EPS8: variants seen among roughly 807,000 people sequenced by gnomAD.
EPS8 encodes EGFR pathway substrate 8, signaling adaptor.
In EPS8, 42 loss-of-function variants were observed where a neutral mutation model predicts 103.8. The observed-to-expected ratio is 0.40, with a 90% confidence interval of 0.32 to 0.52. EPS8 has a LOEUF of 0.52. Among genes scored for constraint, EPS8 ranks in the 20% least tolerant of loss-of-function variants. The probability of loss-of-function intolerance (pLI) is 0.40; values close to 1 mark genes in which losing one functional copy is unlikely to be tolerated. For missense variants in EPS8, 969 were observed against 1,005.1 expected (o/e 0.96, Z 0.49); for synonymous variants, 344 against 344.6 (o/e 1.00, Z 0.02).
chr12:15,663,019 AAG>A (rs1945634157), intron 8 of EPS8, among the ~76,000 whole-genome samples: 2 of 151,966 alleles, frequency 1.3e-5, no homozygotes, highest in African/African-American at 4.8e-5. Flanking sequence ...AAAAAAAAGA[AAG>A]AAGAAATCAT....
At chr12:15,628,832 T>A (rs1944993907) in intron 18 of EPS8, among the ~76,000 whole-genome samples, 2 of 152,168 alleles carry the variant, frequency 1.3e-5, no homozygotes, top group African/African-American at 4.8e-5. Flanking sequence ...GGTAGATGAG[T>A]AGGCATATTT....
intron 1 of EPS8, among the ~76,000 whole-genome samples, chr12:15,726,809 T>C (rs1048033875): frequency 6.6e-6 from 1 of 152,212 alleles, no homozygotes; most frequent in Non-Finnish European, 1.5e-5. Flanking sequence ...GTGTGTACTA[T>C]ATTAGGGATA....
intron 1 of EPS8, among the ~76,000 whole-genome samples, chr12:15,707,904 C>T (rs1218541522): frequency 6.6e-6 from 1 of 152,178 alleles, no homozygotes; most frequent in Non-Finnish European, 1.5e-5. Context: ...GTTCACCTCC[C>T]TATCTCTAAT....
chr12:15,720,152 T>A (rs1481174543), intron 1 of EPS8, among the ~76,000 whole-genome samples: 1 of 152,204 alleles, frequency 6.6e-6, no homozygotes, highest in Non-Finnish European at 1.5e-5. Context: ...AATAGTATCT[T>A]CTTCACATAT....
rs972988217 is a variant in EPS8, at chr12:15,781,446, T to G, written c.-22+7715A>C. Among the ~76,000 whole-genome samples, 1 of 152,202 alleles carries G rather than the reference T, an allele frequency of 6.6e-6. No individual in the cohort carries two copies. The highest frequency in any genetic ancestry group is 1.5e-5 in the Non-Finnish European group (1 of 68,046). Reference sequence around the variant, plus strand: ...AATTCGGTCCCTTTCTCCCCATGTGTGACACAAGTCACTTTTTCTTTCTGG... The same window carrying G: ...AATTCGGTCCCTTTCTCCCCATGTGGGACACAAGTCACTTTTTCTTTCTGG... On this transcript the variant is annotated intron_variant, in intron 1 of 20. Coordinates refer to ENST00000281172, the MANE Select transcript of EPS8 (RefSeq NM_004447.6). The surrounding 1 kb of genome is among the most constrained non-coding windows in gnomAD (Gnocchi z 4.1).
chr12:15,663,936 A>ATAATAAT (rs1478081573), intron 8 of EPS8, among the ~76,000 whole-genome samples: 1 of 35,768 alleles, frequency 2.8e-5, no homozygotes, highest in African/African-American at 1.1e-4. Context: ...AAAAAAAAAA[A>ATAATAAT]AAAAAAAAAA....
chr12:15,729,230 T>C (rs1946687011), intron 1 of EPS8, among the ~76,000 whole-genome samples: 1 of 152,204 alleles, frequency 6.6e-6, no homozygotes, highest in African/African-American at 2.4e-5. Flanking sequence ...TGTAGATTTT[T>C]TGGTGTTTGT....
chr12:15,638,298 T>A (rs1032086221), intron 17 of EPS8, among the ~76,000 whole-genome samples: 5 of 152,148 alleles, frequency 3.3e-5, no homozygotes, highest in African/African-American at 1.2e-4. Context: ...ATATTATAAA[T>A]GTTTTGAGAA....
At chr12:15,669,571 TTCCA>T (rs753792120) in intron 5 of EPS8, 35 bp from the exon 6 acceptor site, 3 of 1,570,666 alleles carry the variant, frequency 1.9e-6, no homozygotes, top group Non-Finnish European at 2.6e-6. Flanking sequence ...TTTGTCAAAC[TTCCA>T]TCCATTTTCA....
rs375011108 is a variant in EPS8, at chr12:15,641,880, G to A, written c.1569-50C>T. 48 of 1,043,668 alleles carry A rather than the reference G, an allele frequency of 4.6e-5. No individual in the cohort carries two copies. In the African/African-American group the frequency reaches 7.5e-4, roughly 16 times the overall value. The allele number at this position is 1,043,668 out of a possible 1,614,324, so 64.7% of individuals were successfully genotyped here. On this transcript the variant is annotated intron_variant, in intron 15 of 20. Coordinates refer to ENST00000281172, the MANE Select transcript of EPS8 (RefSeq NM_004447.6). ...ATTATTCTGCTAGCTCTTCCTAAAG[G>A]ATAAAAATGGAAAACACTGAGACAA...
intron 17 of EPS8, among the ~76,000 whole-genome samples, chr12:15,636,290 T>C (rs1424108761): frequency 6.6e-6 from 1 of 152,122 alleles, no homozygotes; most frequent in Non-Finnish European, 1.5e-5. Context: ...CTCCATAATC[T>C]CTCCTCAGCA....
intron 9 of EPS8, among the ~76,000 whole-genome samples, chr12:15,661,478 T>A (rs1405737874): frequency 1.3e-5 from 2 of 152,150 alleles, no homozygotes; most frequent in East Asian, 1.9e-4. Flanking sequence ...TGTATTAACA[T>A]CATATTCTAG....
At chr12:15,689,820 A>C (rs187698042) in intron 1 of EPS8, among the ~76,000 whole-genome samples, 25 of 152,326 alleles carry the variant, frequency 1.6e-4, no homozygotes, top group Non-Finnish European at 2.9e-4. Flanking sequence ...ACTCTAAAAA[A>C]GTTGGATTCA....
At chr12:15,730,301 C>A (rs1365313910) in intron 1 of EPS8, among the ~76,000 whole-genome samples, 1 of 152,142 alleles carries the variant, frequency 6.6e-6, no homozygotes, top group East Asian at 1.9e-4. Context: ...TTGGTACTTG[C>A]CCAAGACCAC....
At position 15,782,837 on chromosome 12, in the gene EPS8, C is replaced by G. The variant is rs1043188695; in HGVS notation, c.-22+6324G>C. ...TCATAGCCACCTCCTGTTGTTATTG[C>G]AGCGAGCTCAAGTGTTGTGAGTAAC... On this transcript the variant is annotated intron_variant, in intron 1 of 20. Transcript: ENST00000281172. 5.3e-5 allele frequency among the ~76,000 whole-genome samples: 8 copies of G among 152,304 alleles called. No individual in the cohort carries two copies. The South Asian group carries it at 1.0e-3, about 20-fold the overall frequency.
chr12:15,665,610 C>A, intron 8 of EPS8, 146 bp downstream of exon 8: 1 of 899,452 alleles, frequency 1.1e-6, no homozygotes, highest in South Asian at 1.5e-5. Flanking sequence ...GGATTACAGG[C>A]ATGAGCCACT....
In EPS8 at chr12:15,624,380, T is replaced by G; in HGVS notation, c.2072A>C (p.Gln691Pro). The change falls in exon 19 of 21, where the codon CAA (glutamine) becomes CCA (proline). Residue 691 changes from glutamine to proline, a missense_variant. Gln to Pro is a moderately conservative substitution (Grantham distance 76). Transcript: ENST00000281172. ...DRRKSQMEEV[Q>P]DELIHRLTIG... ...GGTCAGTCTGTGGATGAGTTCATCT[T>G]GCACTTCCTCCATCTGAGATTTCCT... is the stretch of plus-strand genomic sequence containing the variant. The G allele has an allele frequency of 6.3e-7, 1 of 1,577,892 alleles. No homozygotes were observed. Among genetic ancestry groups the G allele is most frequent in the Non-Finnish European group, 8.6e-7 (1 of 1,158,136 alleles).
At chr12:15,678,621 G>T (rs1013531858) in intron 3 of EPS8, among the ~76,000 whole-genome samples, 1 of 152,056 alleles carries the variant, frequency 6.6e-6, no homozygotes, top group East Asian at 1.9e-4. Flanking sequence ...GTAAAAGGGG[G>T]AAAATAAAAA....
chr12:15,751,360 C>CA lies in EPS8; in HGVS notation c.-22+37800dup, dbSNP rs375851955. ...GCGACAGAGTGAGACTCCATCTCAA[C>CA]AAAAAAAAGAATCCACATTATCAAT... On this transcript the variant is annotated intron_variant, in intron 1 of 20. Coordinates refer to ENST00000281172, the MANE Select transcript of EPS8 (RefSeq NM_004447.6). The surrounding 1 kb of genome is among the most constrained non-coding windows in gnomAD (Gnocchi z 4.3). 6.6e-5 allele frequency among the ~76,000 whole-genome samples: 10 copies of CA among 151,358 alleles called. No homozygotes were observed. Among genetic ancestry groups the CA allele is most frequent in the Admixed American group, 2.6e-4 (4 of 15,204 alleles).
Sources: gnomAD v4.1 joint callset for allele counts (sites outside exome capture counted in the v4.1 genomes callset) on GRCh38, gnomAD v4.1.1 for gene constraint, Gnocchi (gnomAD v3.1) non-coding constraint, MANE v1.5 for transcripts, NCBI Gene and HGNC (gene_info 2026-07-23, HGNC 2026-07-21) for gene names.